Variants in SUZ12 observed in about 807,000 individuals in gnomAD.
The protein encoded by SUZ12 is SUZ12 polycomb repressive complex 2 subunit.
Under a neutral mutation model 87.3 loss-of-function variants are expected in SUZ12, and 17 were observed. The ratio of observed to expected loss-of-function variants is 0.19; its 90% confidence interval spans 0.13 to 0.29. SUZ12 has a LOEUF of 0.29. Ranked by LOEUF, SUZ12 falls within the 10% of genes least tolerant of loss-of-function variation. The pLI is 1.00. For synonymous variants in SUZ12, 253 were observed against 312.4 expected, an observed-to-expected ratio of 0.81 and a Z score of 2.01; for missense variants, 526 against 912.2, an observed-to-expected ratio of 0.58 and a Z score of 5.45.
chr17:31,969,375 C>T (rs1908281917), intron 5 of SUZ12, among the ~76,000 whole-genome samples: 1 of 152,096 alleles, frequency 6.6e-6, no homozygotes, highest in African/African-American at 2.4e-5. Flanking sequence ...TCTTGAACTC[C>T]CGATCTCAGG....
intron 4 of SUZ12, among the ~76,000 whole-genome samples, chr17:31,957,124 C>T (rs139732758): frequency 5.5e-4 from 84 of 152,256 alleles, no homozygotes; most frequent in African/African-American, 1.9e-3. Flanking sequence ...CTCCATTGCC[C>T]GGGCTGGAGT....
chr17:31,972,298 G>A (rs1908480936), intron 5 of SUZ12, among the ~76,000 whole-genome samples: 1 of 150,024 alleles, frequency 6.7e-6, no homozygotes, highest in Non-Finnish European at 1.5e-5. Context: ...AAGGAATTAG[G>A]AAATATATAT....
chr17:31,981,605 A>C (rs1909108936), intron 8 of SUZ12, among the ~76,000 whole-genome samples: 1 of 152,210 alleles, frequency 6.6e-6, no homozygotes, highest in African/African-American at 2.4e-5. Context: ...TGAGTAAATA[A>C]ATTAGTTTTT....
intron 4 of SUZ12, among the ~76,000 whole-genome samples, chr17:31,949,981 C>T (rs1433816651): frequency 2.0e-5 from 3 of 151,854 alleles, no homozygotes; most frequent in Non-Finnish European, 4.4e-5. Flanking sequence ...CCAAGCCTGG[C>T]CAATTTTTGT....
At chr17:31,954,167 A>G (rs934430647) in intron 4 of SUZ12, among the ~76,000 whole-genome samples, 5 of 151,888 alleles carry the variant, frequency 3.3e-5, no homozygotes, top group East Asian at 3.9e-4. Context: ...GGTTCAAGCT[A>G]TTCTCCTGCC....
chr17:32,000,951 T>A lies in SUZ12; in HGVS notation c.*1948T>A, dbSNP rs909007426. ...AATGGTACAGTAGATGTAAAAAAAATTCAGTTTAAAAGAACATTTGTTTTT... is the reference window on the plus strand; with the variant it reads ...AATGGTACAGTAGATGTAAAAAAAAATCAGTTTAAAAGAACATTTGTTTTT... On this transcript the variant is annotated 3_prime_UTR_variant, in exon 16 of 16. Coordinates refer to ENST00000322652, the MANE Select transcript of SUZ12 (RefSeq NM_015355.4). The A allele has an allele frequency of 9.6e-5, 21 of 219,400 alleles. No homozygotes were observed. Among genetic ancestry groups the A allele is most frequent in the Non-Finnish European group, 1.5e-4 (16 of 109,436 alleles). The allele number at this position is 219,400 out of a possible 1,614,324, so 13.6% of individuals were successfully genotyped here.
At chr17:31,978,367 C>G (rs1908880785) in intron 8 of SUZ12, among the ~76,000 whole-genome samples, 1 of 152,062 alleles carries the variant, frequency 6.6e-6, no homozygotes, top group African/African-American at 2.4e-5. Context: ...TGCTACCATG[C>G]CCAGCTAATT....
intron 4 of SUZ12, among the ~76,000 whole-genome samples, chr17:31,964,440 CCT>C (rs1260855486): frequency 3.1e-4 from 45 of 145,756 alleles, no homozygotes; most frequent in Admixed American, 1.9e-3. Flanking sequence ...TGAGTCTCCC[CCT>C]GTCACCCAGG....
In SUZ12 at chr17:31,975,718, T is replaced by A. The variant is rs775324596; in HGVS notation, c.823+5T>A. 13 of 1,128,002 alleles carry A rather than the reference T, an allele frequency of 1.2e-5. No homozygotes were observed. The highest frequency in any genetic ancestry group is 1.6e-5 in the Non-Finnish European group (13 of 829,236). 69.9% of individuals were successfully genotyped at this position (1,128,002 alleles called of 1,614,324 possible). On this transcript the variant is annotated splice_donor_5th_base_variant and intron_variant, in intron 7 of 15. Coordinates refer to ENST00000322652, the MANE Select transcript of SUZ12 (RefSeq NM_015355.4). ...GAGAAACCAATGAAAATATTGGTAA[T>A]TTTTTTTTTTACTAGATTTTATCAC... is the stretch of plus-strand genomic sequence containing the variant.
At chr17:31,959,180 A>G (rs907671146) in intron 4 of SUZ12, among the ~76,000 whole-genome samples, 5 of 151,834 alleles carry the variant, frequency 3.3e-5, no homozygotes, top group African/African-American at 1.2e-4. Context: ...TTCAGTCTTG[A>G]GTTTTTGTTC....
chr17:31,993,775 T>G, intron 11 of SUZ12, 90 bp from the exon 12 acceptor site: 3 of 1,331,324 alleles, frequency 2.3e-6, no homozygotes, highest in Non-Finnish European at 3.1e-6. Context: ...CCGCTTAAAT[T>G]TTTTAAACTA....
At chr17:31,951,649 T>G (rs1906988565) in intron 4 of SUZ12, among the ~76,000 whole-genome samples, 1 of 151,684 alleles carries the variant, frequency 6.6e-6, no homozygotes, top group African/African-American at 2.4e-5. Context: ...GCTAATTTTT[T>G]GTATTTTTAG....
intron 5 of SUZ12, among the ~76,000 whole-genome samples, chr17:31,970,418 G>C (rs1290563358): frequency 6.6e-6 from 1 of 152,026 alleles, no homozygotes; most frequent in Non-Finnish European, 1.5e-5. Flanking sequence ...ACCTGAGGTA[G>C]GGAGTTTGAG....
intron 4 of SUZ12, among the ~76,000 whole-genome samples, chr17:31,958,879 A>G (rs1254174244): frequency 1.3e-5 from 2 of 150,650 alleles, no homozygotes; most frequent in Admixed American, 6.6e-5. Context: ...TTAGCTGGGC[A>G]TGGTGGCGTG....
At chr17:31,976,868 A>G (rs1019342114) in intron 8 of SUZ12, among the ~76,000 whole-genome samples, 1 of 152,206 alleles carries the variant, frequency 6.6e-6, no homozygotes, top group African/African-American at 2.4e-5. Context: ...TCTTTGCCAG[A>G]CACTGTTCTA....
At chr17:31,990,972 C>T (rs898677849) in intron 10 of SUZ12, among the ~76,000 whole-genome samples, 1 of 151,968 alleles carries the variant, frequency 6.6e-6, no homozygotes, top group Non-Finnish European at 1.5e-5. Flanking sequence ...GTCTCAAACT[C>T]CTGAGCTCAA....
At chr17:31,962,963 T>G (rs1907827555) in intron 4 of SUZ12, among the ~76,000 whole-genome samples, 1 of 152,242 alleles carries the variant, frequency 6.6e-6, no homozygotes, top group Admixed American at 6.5e-5. Flanking sequence ...ATATTCCTCT[T>G]TCACTTATGT....
At chr17:31,986,176 A>T (rs1331588953) in intron 9 of SUZ12, among the ~76,000 whole-genome samples, 4 of 151,848 alleles carry the variant, frequency 2.6e-5, no homozygotes, top group Admixed American at 1.3e-4. Flanking sequence ...TCCTGACCTA[A>T]GGTTTTCCAC....
intron 4 of SUZ12, among the ~76,000 whole-genome samples, chr17:31,948,837 G>A (rs1321650832): frequency 1.3e-5 from 2 of 152,060 alleles, no homozygotes; most frequent in Non-Finnish European, 2.9e-5. Context: ...TAATGCCCAG[G>A]GAGACCCTAT....
Sources: allele counts gnomAD v4.1 joint callset (sites outside exome capture counted in the v4.1 genomes callset), GRCh38; gene constraint gnomAD v4.1.1; transcripts MANE v1.5; gene names NCBI Gene and HGNC (gene_info 2026-07-23, HGNC 2026-07-21).